Variants in CCDC122 observed in about 807,000 individuals in gnomAD.
CCDC122 encodes coiled-coil domain-containing protein 122.
A neutral mutation model predicts 37.0 loss-of-function variants in CCDC122; 38 were observed. The observed-to-expected ratio is 1.03, with a 90% confidence interval of 0.79 to 1.35. CCDC122 has a LOEUF of 1.35. Ranked by LOEUF, CCDC122 falls within the 40% of genes most tolerant of loss-of-function variation. The pLI is 0.00. For synonymous variants in CCDC122, 83 were observed against 95.6 expected, an observed-to-expected ratio of 0.87 and a Z score of 0.77; for missense variants, 305 against 310.0, an observed-to-expected ratio of 0.98 and a Z score of 0.12.
intron 1 of CCDC122, chr13:43,878,096 TTTCA>T (rs749488625): frequency 4.6e-5 from 7 of 152,278 alleles, no homozygotes; most frequent in South Asian, 2.1e-4. Flanking sequence ...ATATTTTCTT[TTTCA>T]TTTTTTTTTT....
chr13:43,857,169 T>C (rs536006026), intron 6 of CCDC122, among the ~76,000 whole-genome samples: 1 of 152,326 alleles, frequency 6.6e-6, no homozygotes, highest in African/African-American at 2.4e-5. Context: ...CTGATATTCA[T>C]GGTTCAGAAA....
intron 3 of CCDC122, among the ~76,000 whole-genome samples, chr13:43,825,399 G>T (rs549118174): frequency 1.3e-5 from 2 of 151,958 alleles, no homozygotes; most frequent in East Asian, 1.9e-4. Flanking sequence ...AAAAGGAGGG[G>T]GTAGGGCAAG....
intron 1 of CCDC122, among the ~76,000 whole-genome samples, chr13:43,875,354 C>G (rs1954575504): frequency 1.3e-5 from 2 of 152,118 alleles, no homozygotes; most frequent in Non-Finnish European, 2.9e-5. Context: ...TCCCGCACAT[C>G]CAAAGATATA....
At chr13:43,824,935 A>G (rs903732501) in intron 3 of CCDC122, among the ~76,000 whole-genome samples, 7 of 152,354 alleles carry the variant, frequency 4.6e-5, no homozygotes, top group African/African-American at 1.7e-4. Flanking sequence ...GACAATGCTT[A>G]TACATTGTTG....
chr13:43,853,149 A>C (rs1425376592), intron 6 of CCDC122, among the ~76,000 whole-genome samples: 1 of 152,192 alleles, frequency 6.6e-6, no homozygotes, highest in Non-Finnish European at 1.5e-5. Flanking sequence ...ACTAACCTTG[A>C]ATGTAAATGG....
At chr13:43,873,050 T>C (rs1954498150) in intron 2 of CCDC122, among the ~76,000 whole-genome samples, 1 of 152,180 alleles carries the variant, frequency 6.6e-6, no homozygotes, top group African/African-American at 2.4e-5. Flanking sequence ...TTTAACACAT[T>C]TGATAATTAC....
chr13:43,856,774 T>C (rs1020432008), intron 6 of CCDC122, among the ~76,000 whole-genome samples: 6 of 152,158 alleles, frequency 3.9e-5, no homozygotes, highest in African/African-American at 4.8e-5. Context: ...ATCAGAATAG[T>C]GGCTATTTGA....
downstream of CCDC122, among the ~76,000 whole-genome samples, chr13:43,834,437 A>G (rs1953120571): frequency 6.6e-6 from 1 of 152,246 alleles, no homozygotes. Flanking sequence ...AGCAATGGCA[A>G]CAAAAGCCAA....
At chr13:43,820,698 C>T (rs1229943787), downstream of CCDC122, among the ~76,000 whole-genome samples, 2 of 152,072 alleles carry the variant, frequency 1.3e-5, no homozygotes, top group African/African-American at 4.8e-5. Flanking sequence ...CTTCTATGAA[C>T]CATGTTTCCA....
intron 5 of CCDC122, 93 bp downstream of exon 5, chr13:43,859,579 T>C (rs1954038276): frequency 9.6e-7 from 1 of 1,041,862 alleles, no homozygotes; most frequent in Non-Finnish European, 1.3e-6. Flanking sequence ...CTATGGGCAT[T>C]TTATTAACTT....
downstream of CCDC122, among the ~76,000 whole-genome samples, chr13:43,834,530 G>A (rs1282660149): frequency 1.3e-5 from 2 of 152,126 alleles, no homozygotes; most frequent in Non-Finnish European, 2.9e-5. Context: ...GCAACCTACA[G>A]AATGGGAGAA....
chr13:43,864,214 T>C (rs1256828858), intron 4 of CCDC122, among the ~76,000 whole-genome samples: 1 of 152,214 alleles, frequency 6.6e-6, no homozygotes, highest in Non-Finnish European at 1.5e-5. Flanking sequence ...AGCTATATCA[T>C]ATTATCCTGA....
At chr13:43,820,884 C>A (rs367693569), downstream of CCDC122, among the ~76,000 whole-genome samples, 42 of 152,256 alleles carry the variant, frequency 2.8e-4, 1 homozygote, top group Middle Eastern at 6.8e-3. Flanking sequence ...GAAGGGTATG[C>A]GTTCTTTTAA....
At chr13:43,829,587 T>A (rs1015996156) in intron 3 of CCDC122, among the ~76,000 whole-genome samples, 2 of 152,086 alleles carry the variant, frequency 1.3e-5, no homozygotes, top group Non-Finnish European at 2.9e-5. Flanking sequence ...ATTACAGGTG[T>A]GAGCCAACAT....
downstream of CCDC122, among the ~76,000 whole-genome samples, chr13:43,833,254 T>A (rs1272341144): frequency 6.6e-6 from 1 of 152,230 alleles, no homozygotes; most frequent in Non-Finnish European, 1.5e-5. Context: ...TCCCTCCGCT[T>A]CCTTGCATTT....
intron 4 of CCDC122, among the ~76,000 whole-genome samples, chr13:43,861,303 T>G (rs958616968): frequency 6.6e-5 from 10 of 152,322 alleles, no homozygotes; most frequent in Admixed American, 2.6e-4. Context: ...CCCAGCTAGT[T>G]ACATAATCAA....
At chr13:43,819,407 C>T (rs1952979680), downstream of CCDC122, among the ~76,000 whole-genome samples, 1 of 152,108 alleles carries the variant, frequency 6.6e-6, no homozygotes, top group Non-Finnish European at 1.5e-5. Context: ...CATTGCAGTA[C>T]TATTTGTAAC....
At chr13:43,844,331 G>A (rs1015781542) in intron 6 of CCDC122, among the ~76,000 whole-genome samples, 8 of 151,510 alleles carry the variant, frequency 5.3e-5, no homozygotes, top group African/African-American at 1.9e-4. Flanking sequence ...AAAAGCTTAT[G>A]TATTTTCTAG....
At chr13:43,874,636 GT>G (rs556413906) in intron 2 of CCDC122, 13 of 151,934 alleles carry the variant, frequency 8.6e-5, no homozygotes, top group African/African-American at 1.4e-4. Context: ...AAAAGTTTTA[GT>G]TTTTTTTCCC....
Sources: allele counts gnomAD v4.1 joint callset (sites outside exome capture counted in the v4.1 genomes callset), GRCh38; gene constraint gnomAD v4.1.1; transcripts MANE v1.5; gene names NCBI Gene and HGNC (gene_info 2026-07-23, HGNC 2026-07-21).